The following PPP1R21 variants were observed in gnomAD, a reference collection of about 807,000 sequenced individuals.
PPP1R21 encodes the protein protein phosphatase 1 regulatory subunit 21.
PPP1R21 carries 85 observed loss-of-function variants against 112.8 expected under a neutral mutation model. The observed-to-expected ratio is 0.75, with a 90% CI of 0.63 to 0.90. The LOEUF (loss-of-function observed/expected upper bound fraction) is 0.90, where lower values mean the gene tolerates loss of function less well. Among genes scored for constraint, PPP1R21 ranks in the 40% least tolerant of loss-of-function variants. The probability of loss-of-function intolerance (pLI) is 0.00; values close to 1 mark genes in which losing one functional copy is unlikely to be tolerated. For synonymous variants in PPP1R21, 381 were observed against 322.3 expected, an observed-to-expected ratio of 1.18 and a Z score of -1.95; for missense variants, 1,199 against 901.5, an observed-to-expected ratio of 1.33 and a Z score of -4.23.
At chr2:48,485,710 T>G (rs1044220967) in intron 13 of PPP1R21, among the ~76,000 whole-genome samples, 1 of 151,620 alleles carries the variant, frequency 6.6e-6, no homozygotes, top group Non-Finnish European at 1.5e-5. Flanking sequence ...TCAAATACTA[T>G]TTCTTTTCAA....
At position 48,440,832 on chromosome 2, in the gene PPP1R21, C is replaced by CGGCGGCGGCTGCGGT. The variant is rs1553333080; in HGVS notation, c.-119_-118insGGCGGCTGCGGTGGC. 1.0e-5 allele frequency: 7 copies of CGGCGGCGGCTGCGGT among 697,250 alleles called. No individual in the cohort carries two copies. The highest frequency in any genetic ancestry group is 2.4e-6 in the Non-Finnish European group (1 of 411,580). 43.2% of individuals were successfully genotyped at this position (697,250 alleles called of 1,614,324 possible). On this transcript the variant is annotated 5_prime_UTR_variant, in exon 1 of 22. Transcript: ENST00000294952. ...GGAGGCGCGGCGGCGGCGGCGGCGG[C>CGGCGGCGGCTGCGGT]GGCTGCGGTGGCCAAGCAGGCAGAT... is the stretch of plus-strand genomic sequence containing the variant.
intron 9 of PPP1R21, among the ~76,000 whole-genome samples, chr2:48,469,488 C>T (rs1370777819): frequency 2.0e-4 from 9 of 44,758 alleles, no homozygotes; most frequent in South Asian, 6.1e-4. Context: ...ATATATAGAG[C>T]ATATATATAT....
At chr2:48,465,419 G>T in intron 8 of PPP1R21, 74 bp from the exon 9 acceptor site, 3 of 1,353,052 alleles carry the variant, frequency 2.2e-6, no homozygotes, top group South Asian at 2.8e-5. Context: ...GTTTTCTCCA[G>T]ATCAGACTCA....
At chr2:48,493,981 G>T in intron 15 of PPP1R21, among the ~76,000 whole-genome samples, 1 of 150,478 alleles carries the variant, frequency 6.6e-6, no homozygotes, top group East Asian at 2.0e-4. Context: ...CGACACTTTG[G>T]GATGCCAGGG....
intron 12 of PPP1R21, 45 bp downstream of exon 12, chr2:48,474,864 G>T (rs1395143526): frequency 1.9e-6 from 3 of 1,557,060 alleles, no homozygotes; most frequent in African/African-American, 1.4e-5. Context: ...GGACTTAAGA[G>T]TACAAGAAGC....
In PPP1R21 at chr2:48,477,062, G is replaced by A. The variant is rs754951445; in HGVS notation, c.1225+2243G>A. 6.4e-4 allele frequency among the ~76,000 whole-genome samples: 92 copies of A among 144,448 alleles called. 1 individual carries two copies. Among genetic ancestry groups the A allele is most frequent in the Admixed American group, 3.5e-3 (51 of 14,610 alleles). The allele number at this position is 144,448 out of a possible 152,430, so 94.8% of individuals were successfully genotyped here. ...ACTTACCCTGTGTTTTCTTCTAAGC[G>A]TTTTATAGTTTTAACTCTTACTTAC... On this transcript the variant is annotated intron_variant, in intron 12 of 21. Coordinates refer to ENST00000294952, the MANE Select transcript of PPP1R21 (RefSeq NM_001135629.3).
rs765219946 is a variant in PPP1R21, at chr2:48,479,951, C to A, written c.1253C>A (p.Thr418Lys). 8 of 1,612,514 alleles carry A rather than the reference C, an allele frequency of 5.0e-6. No individual in the cohort carries two copies. In the South Asian group the frequency reaches 8.8e-5, roughly 18 times the overall value. Residue 418 changes from threonine to lysine, a missense_variant, in exon 13 of 22, where the codon ACA becomes AAA. Physicochemically the swap from Thr to Lys is moderately conservative, Grantham distance 78 (BLOSUM62 -1). Transcript: ENST00000294952. ...PSTEPDGLLRTNYSSVLTNVG... is the reference protein window; with the variant it reads ...PSTEPDGLLRKNYSSVLTNVG... ...ACAGAGCCAGATGGACTCCTTCGGA[C>A]AAACTACAGTTCTGTGTTAACAAAT...
chr2:48,468,829 ATGTGTGTGTGTG>A (rs113373775), intron 9 of PPP1R21, among the ~76,000 whole-genome samples: 4 of 146,428 alleles, frequency 2.7e-5, no homozygotes, highest in African/African-American at 1.0e-4. Flanking sequence ...AAAAAAATGT[ATGTGTGTGTGTG>A]TGTGTGTGTG....
chr2:48,514,808 G>T lies in PPP1R21; in HGVS notation c.*64G>T. The T allele has an allele frequency of 1.3e-6, 2 of 1,565,450 alleles. No individual in the cohort carries two copies. The highest frequency in any genetic ancestry group is 1.8e-6 in the Non-Finnish European group (2 of 1,141,356). On this transcript the variant is annotated 3_prime_UTR_variant, in exon 22 of 22. Transcript: ENST00000294952. ...TGCTCCTGCTGCACAGAGCCGCAGG[G>T]CTGAGACCACGTCCATGCTGGCTGC...
intron 12 of PPP1R21, among the ~76,000 whole-genome samples, chr2:48,478,180 C>T (rs553831091): frequency 6.6e-6 from 1 of 152,248 alleles, no homozygotes; most frequent in South Asian, 2.1e-4. Flanking sequence ...CTGCCAACAC[C>T]TTGATTTTGG....
In PPP1R21 at chr2:48,440,814, C is replaced by A; in HGVS notation, c.-140C>A. ...GAACCCGGAAGTGGAGGAGGAGGCGCGGCGGCGGCGGCGGCGGCGGCTGCG... is the reference window on the plus strand; with the variant it reads ...GAACCCGGAAGTGGAGGAGGAGGCGAGGCGGCGGCGGCGGCGGCGGCTGCG... On this transcript the variant is annotated 5_prime_UTR_variant, in exon 1 of 22. Coordinates refer to ENST00000294952, the MANE Select transcript of PPP1R21 (RefSeq NM_001135629.3). 4 of 422,266 alleles carry A rather than the reference C, an allele frequency of 9.5e-6. No individual in the cohort carries two copies. The highest frequency in any genetic ancestry group is 1.8e-5 in the Non-Finnish European group (4 of 220,608). The allele number at this position is 422,266 out of a possible 1,614,324, so 26.2% of individuals were successfully genotyped here.
In PPP1R21 at chr2:48,461,224, AT is replaced by A; in HGVS notation, c.687del (p.Asn229LysfsTer11). ...ATCATCAATGAAAAAGTACCTTTTAATGATACAAGTAGGTATTATGTACAGT... is the reference window on the plus strand; with the variant it reads ...ATCATCAATGAAAAAGTACCTTTTAAGATACAAGTAGGTATTATGTACAGT... The part of the protein sequence containing the change: ...LSIINEKVPF[N>X]DTKYSQYNAL... On this transcript the variant is annotated frameshift_variant, in exon 7 of 22. Coordinates refer to ENST00000294952, the MANE Select transcript of PPP1R21 (RefSeq NM_001135629.3). LOFTEE classifies it high-confidence loss of function. 1 of 1,578,314 alleles carries A rather than the reference AT, an allele frequency of 6.3e-7. No homozygotes were observed.
chr2:48,497,887 G>T (rs1392230645), intron 16 of PPP1R21, among the ~76,000 whole-genome samples: 1 of 151,922 alleles, frequency 6.6e-6, no homozygotes, highest in Non-Finnish European at 1.5e-5. Context: ...TCCTGACCTC[G>T]TGATCAGCCC....
intron 6 of PPP1R21, 148 bp from the exon 7 acceptor site, chr2:48,460,990 C>G: frequency 7.5e-7 from 1 of 1,330,700 alleles, no homozygotes; most frequent in Non-Finnish European, 9.7e-7. Context: ...TTGTTATCTT[C>G]CTCTTTTAAC....
At chr2:48,490,061 A>G (rs919706536) in intron 14 of PPP1R21, among the ~76,000 whole-genome samples, 5 of 151,798 alleles carry the variant, frequency 3.3e-5, no homozygotes, top group African/African-American at 1.2e-4. Flanking sequence ...ACGAACAAAA[A>G]TACAAAAATT....
chr2:48,493,833 T>A (rs1669679658), intron 15 of PPP1R21, among the ~76,000 whole-genome samples: 1 of 152,104 alleles, frequency 6.6e-6, no homozygotes, highest in African/African-American at 2.4e-5. Context: ...TCTTCATCTA[T>A]TTTGGTGCAA....
Position 48,472,366 on chromosome 2 carries a change from C to T in PPP1R21, c.1088+999C>T, listed in dbSNP as rs555671840. ...GTTGGCCAAGTGTGGTGGCTCATGCCTGTAGTCCCAGCACTTTGGGAGGCC... is the reference window on the plus strand; with the variant it reads ...GTTGGCCAAGTGTGGTGGCTCATGCTTGTAGTCCCAGCACTTTGGGAGGCC... On this transcript the variant is annotated intron_variant, in intron 11 of 21. Coordinates refer to ENST00000294952, the MANE Select transcript of PPP1R21 (RefSeq NM_001135629.3). 1.3e-5 allele frequency among the ~76,000 whole-genome samples: 2 copies of T among 152,036 alleles called. 1 individual carries two copies. The highest frequency in any genetic ancestry group is 4.8e-5 in the African/African-American group (2 of 41,488).
At position 48,440,912 on chromosome 2, in the gene PPP1R21, G is replaced by A. The variant is rs761385740; in HGVS notation, c.-42G>A. On this transcript the variant is annotated 5_prime_UTR_variant, in exon 1 of 22. Coordinates refer to ENST00000294952, the MANE Select transcript of PPP1R21 (RefSeq NM_001135629.3). ...TGGGTTTGGGGGCGGGAGACAGGCT[G>A]AGCCGCCTGGGCGGCCTGGCCTGTA... 8.3e-6 allele frequency: 12 copies of A among 1,450,600 alleles called. No homozygotes were observed. Among genetic ancestry groups the A allele is most frequent in the Non-Finnish European group, 1.1e-5 (12 of 1,047,464 alleles). 89.9% of individuals were successfully genotyped at this position (1,450,600 alleles called of 1,614,324 possible). A position where few individuals can be genotyped will look rare whatever the true frequency, so the allele number is the denominator to read the frequency against.
At chr2:48,478,846 C>T (rs1668874426) in intron 12 of PPP1R21, among the ~76,000 whole-genome samples, 1 of 152,214 alleles carries the variant, frequency 6.6e-6, no homozygotes, top group South Asian at 2.1e-4. Context: ...TTGAACTTCT[C>T]CACACTGTAT....
Sources: gnomAD v4.1 joint callset for allele counts (sites outside exome capture counted in the v4.1 genomes callset) on GRCh38, gnomAD v4.1.1 for gene constraint, MANE v1.5 for transcripts, NCBI Gene and HGNC (gene_info 2026-07-23, HGNC 2026-07-21) for gene names.